The following SLC38A4 variants were observed in gnomAD, a reference collection of about 807,000 sequenced individuals.
SLC38A4 encodes sodium-coupled neutral amino acid transporter 4.
Under a neutral mutation model 63.1 loss-of-function variants are expected in SLC38A4, and 20 were observed. The ratio of observed to expected loss-of-function variants is 0.32; its 90% CI spans 0.22 to 0.46. SLC38A4 has a LOEUF of 0.46. SLC38A4 is among the 20% of genes least tolerant of loss of function. The pLI is 1.00. For missense variants in SLC38A4, 526 were observed against 663.6 expected (o/e 0.79, Z 2.28); for synonymous variants, 230 against 225.5 (o/e 1.02, Z -0.18).
intron 2 of SLC38A4, among the ~76,000 whole-genome samples, chr12:46,801,471 G>C (rs543479360): frequency 2.4e-4 from 37 of 152,170 alleles, no homozygotes; most frequent in African/African-American, 8.9e-4. Context: ...ATAAGTGAAA[G>C]TGAAAAAGGG....
chr12:46,768,284 T>C (rs553041243), intron 16 of SLC38A4, 26 bp downstream of exon 16: 10 of 1,490,054 alleles, frequency 6.7e-6, no homozygotes, highest in Admixed American at 1.7e-5. Context: ...CAACTAATAA[T>C]GGGGGAAATT....
chr12:46,775,640 A>T (rs1592176431), intron 13 of SLC38A4, among the ~76,000 whole-genome samples: 1 of 152,000 alleles, frequency 6.6e-6, no homozygotes, highest in Non-Finnish European at 1.5e-5. Flanking sequence ...CAAGCTCAAC[A>T]ACTATGACTC....
At chr12:46,778,461 A>G (rs1416877132) in intron 11 of SLC38A4, 40 bp downstream of exon 11, 1 of 1,609,904 alleles carries the variant, frequency 6.2e-7, no homozygotes, top group Non-Finnish European at 8.5e-7. Flanking sequence ...CTTAGAAAAC[A>G]CATAACTGTA....
intron 1 of SLC38A4, among the ~76,000 whole-genome samples, chr12:46,811,192 T>C (rs964124354): frequency 3.3e-5 from 5 of 151,904 alleles, no homozygotes; most frequent in Non-Finnish European, 7.4e-5. Context: ...AATTAAAAAA[T>C]AAAAGACCCA....
At chr12:46,777,707 G>A (rs145871402) in intron 12 of SLC38A4, among the ~76,000 whole-genome samples, 78 of 152,018 alleles carry the variant, frequency 5.1e-4, no homozygotes, top group African/African-American at 1.9e-3. Context: ...CATATCCTTT[G>A]TTCCCAAGCA....
At chr12:46,785,876 T>A (rs1205561853) in intron 5 of SLC38A4, among the ~76,000 whole-genome samples, 1 of 151,868 alleles carries the variant, frequency 6.6e-6, no homozygotes, top group East Asian at 1.9e-4. Context: ...AATAAGAATG[T>A]TGATAGAAGC....
At chr12:46,801,135 A>G (rs556316235) in intron 2 of SLC38A4, among the ~76,000 whole-genome samples, 16 of 152,270 alleles carry the variant, frequency 1.1e-4, no homozygotes, top group Admixed American at 2.6e-4. Context: ...GAAAATACAA[A>G]GTCAAAACTT....
At position 46,831,118 on chromosome 12, in the gene SLC38A4, A is replaced by T. The variant is rs186092234; in HGVS notation, c.-108+1209T>A. 5.3e-5 allele frequency among the ~76,000 whole-genome samples: 8 copies of T among 152,264 alleles called. No homozygotes were observed. The East Asian group carries it at 1.6e-3, about 30-fold the overall frequency. The stretch of plus-strand genomic sequence containing the variant: ...CTCTGCCTGCTGGATCACAAAGAGG[A>T]GCTGGGAGATTCGCCGTTTTCCCCC... On this transcript the variant is annotated intron_variant, in intron 1 of 6. Coordinates refer to the SLC38A4 transcript ENST00000546940.
intron 3 of SLC38A4, among the ~76,000 whole-genome samples, chr12:46,790,077 T>A (rs1938853178): frequency 6.6e-6 from 1 of 152,124 alleles, no homozygotes; most frequent in Admixed American, 6.5e-5. Context: ...AAACTCTGTC[T>A]GTCTCAATAA....
At chr12:46,813,902 G>A (rs1860262086) in intron 1 of SLC38A4, among the ~76,000 whole-genome samples, 1 of 151,982 alleles carries the variant, frequency 6.6e-6, no homozygotes. Context: ...GAACATTTGT[G>A]AGCATTTGTT....
intron 7 of SLC38A4, among the ~76,000 whole-genome samples, chr12:46,783,264 GATAGATAGATAA>G (rs1298850676): frequency 1.3e-4 from 19 of 149,768 alleles, no homozygotes; most frequent in African/African-American, 4.4e-4. Flanking sequence ...TAGATAGATA[GATAGATAGATAA>G]AGATAGATAG....
intron 1 of SLC38A4, among the ~76,000 whole-genome samples, chr12:46,823,259 C>T (rs1032932121): frequency 7.2e-5 from 11 of 152,080 alleles, no homozygotes; most frequent in African/African-American, 2.7e-4. Context: ...GTGTTCATTC[C>T]CTCAAGTTTA....
At chr12:46,821,399 C>T (rs901209657) in intron 1 of SLC38A4, among the ~76,000 whole-genome samples, 2 of 152,020 alleles carry the variant, frequency 1.3e-5, no homozygotes, top group Non-Finnish European at 2.9e-5. Flanking sequence ...TTTCCCAACA[C>T]CATTTGTTGA....
rs530007558 is a variant in SLC38A4 at position 46,784,004 on chromosome 12, A to C, written c.493+538T>G. ...TGATAATTCAGTGGGAATTATAAGAATCCATAGAATCAACAAACCGGGGTT... is the reference window on the plus strand; with the variant it reads ...TGATAATTCAGTGGGAATTATAAGACTCCATAGAATCAACAAACCGGGGTT... On this transcript the variant is annotated intron_variant, in intron 7 of 16. Transcript: ENST00000266579. Among the ~76,000 whole-genome samples, 29 of 152,116 alleles carry C rather than the reference A, an allele frequency of 1.9e-4. 2 individuals are homozygous for C. The highest frequency in any genetic ancestry group is 6.7e-4 in the African/African-American group (28 of 41,522).
At chr12:46,818,890 T>A (rs745386021) in intron 1 of SLC38A4, among the ~76,000 whole-genome samples, 1 of 151,868 alleles carries the variant, frequency 6.6e-6, no homozygotes, top group Non-Finnish European at 1.5e-5. Flanking sequence ...GAAAGGACAC[T>A]TCAGACAGGC....
intron 1 of SLC38A4, among the ~76,000 whole-genome samples, chr12:46,816,328 A>T (rs1939441516): frequency 1.3e-5 from 2 of 151,882 alleles, no homozygotes; most frequent in Non-Finnish European, 2.9e-5. Flanking sequence ...TCTGGCAAAA[A>T]ACACAAAACC....
intron 1 of SLC38A4, among the ~76,000 whole-genome samples, chr12:46,816,521 T>G (rs918500456): frequency 2.0e-5 from 3 of 151,952 alleles, no homozygotes. Flanking sequence ...CTAAAGTATA[T>G]GCATAAAACG....
intron 15 of SLC38A4, among the ~76,000 whole-genome samples, chr12:46,768,775 G>A (rs973345643): frequency 6.6e-5 from 10 of 152,012 alleles, no homozygotes; most frequent in African/African-American, 2.4e-4. Context: ...TTCTTTTAAA[G>A]TTTTAGATTG....
At chr12:46,790,413 A>G (rs1938859824) in intron 3 of SLC38A4, among the ~76,000 whole-genome samples, 1 of 151,852 alleles carries the variant, frequency 6.6e-6, no homozygotes. Context: ...TTCACCCCCC[A>G]CCCACTGCCC....
Sources: gnomAD v4.1 joint callset for allele counts (sites outside exome capture counted in the v4.1 genomes callset) on GRCh38, gnomAD v4.1.1 for gene constraint, MANE v1.5 for transcripts, NCBI Gene and HGNC (gene_info 2026-07-23, HGNC 2026-07-21) for gene names.